PPP2R5C: variants seen among roughly 807,000 people sequenced by gnomAD.
PPP2R5C encodes protein phosphatase 2 regulatory subunit B'gamma.
Under a neutral mutation model 68.9 loss-of-function variants are expected in PPP2R5C, and 7 were observed. The observed-to-expected ratio is 0.10, with a 90% confidence interval of 0.06 to 0.19. PPP2R5C has a LOEUF of 0.19. Ranked by LOEUF, PPP2R5C falls within the 10% of genes least tolerant of loss-of-function variation. The pLI, the probability that PPP2R5C is intolerant of heterozygous loss-of-function variation, is 1.00. For missense variants in PPP2R5C, 348 were observed against 641.3 expected, an observed-to-expected ratio of 0.54 and a Z score of 4.94; for synonymous variants, 210 against 222.2, an observed-to-expected ratio of 0.95 and a Z score of 0.49.
intron 1 of PPP2R5C, among the ~76,000 whole-genome samples, chr14:101,813,440 TGACTTTCGGAA>T (rs2039483420): frequency 6.6e-6 from 1 of 152,264 alleles, no homozygotes; most frequent in East Asian, 1.9e-4. Flanking sequence ...GACTGTTCTT[TGACTTTCGGAA>T]TTGCCTGTTA....
At chr14:101,773,867 G>T (rs1350426824) in intron 2 of PPP2R5C, among the ~76,000 whole-genome samples, 2 of 152,184 alleles carry the variant, frequency 1.3e-5, no homozygotes, top group Non-Finnish European at 2.9e-5. Flanking sequence ...CTGATATTTG[G>T]ATTTTTTTGT....
chr14:101,771,502 G>A (rs1202423627), intron 2 of PPP2R5C, among the ~76,000 whole-genome samples: 23 of 152,106 alleles, frequency 1.5e-4, no homozygotes, highest in Admixed American at 1.2e-3. Flanking sequence ...AGGCCCAGGC[G>A]GGTGGATCAT....
intron 5 of PPP2R5C, among the ~76,000 whole-genome samples, chr14:101,889,587 G>A (rs916134901): frequency 4.4e-4 from 67 of 152,324 alleles, no homozygotes; most frequent in African/African-American, 1.5e-3. Context: ...GGTAGGGTGC[G>A]TGTCCTGGGG....
chr14:101,913,491 T>G lies in PPP2R5C; in HGVS notation c.1326+1018T>G, dbSNP rs888993102. ...CAGGAAAACGGAATGACATTTCTAATTGTGAGCCCTTGAGTCCACCTAAAA... is the reference window on the plus strand; with the variant it reads ...CAGGAAAACGGAATGACATTTCTAAGTGTGAGCCCTTGAGTCCACCTAAAA... On this transcript the variant is annotated intron_variant, in intron 12 of 13. Transcript: ENST00000334743. The surrounding 1 kb of genome is among the most constrained non-coding windows in gnomAD (Gnocchi z 4.1). Among the ~76,000 whole-genome samples the G allele has an allele frequency of 1.3e-5, 2 of 152,248 alleles. No homozygotes were observed. Among genetic ancestry groups the G allele is most frequent in the African/African-American group, 4.8e-5 (2 of 41,468 alleles).
exon 14 of PPP2R5C, chr14:101,925,278 G>T: frequency 6.2e-7 from 1 of 1,611,944 alleles, no homozygotes; most frequent in Non-Finnish European, 8.5e-7. Context: ...GCTAGCCTCC[G>T]GGGCGCCGCG....
intron 1 of PPP2R5C, among the ~76,000 whole-genome samples, chr14:101,842,860 C>T (rs1277081108): frequency 6.7e-6 from 1 of 149,548 alleles, no homozygotes; most frequent in East Asian, 2.0e-4. Context: ...ACTACTATGT[C>T]CTATCATACT....
chr14:101,862,189 T>C (rs1353608664), intron 2 of PPP2R5C, among the ~76,000 whole-genome samples: 1 of 152,216 alleles, frequency 6.6e-6, no homozygotes, highest in Non-Finnish European at 1.5e-5. Flanking sequence ...GTGCTGGGAT[T>C]ATAGGCATGA....
chr14:101,834,858 T>C (rs547944241), intron 1 of PPP2R5C, among the ~76,000 whole-genome samples: 3 of 152,176 alleles, frequency 2.0e-5, no homozygotes, highest in Non-Finnish European at 4.4e-5. Context: ...ATCTCAGAGA[T>C]TGACTTGGTA....
intron 1 of PPP2R5C, among the ~76,000 whole-genome samples, chr14:101,823,098 G>A (rs900962311): frequency 3.9e-5 from 6 of 152,118 alleles, no homozygotes; most frequent in African/African-American, 7.2e-5. Flanking sequence ...CCCCTAAAAC[G>A]ATTTTGAACA....
At chr14:101,834,398 G>A (rs2140360087) in intron 1 of PPP2R5C, among the ~76,000 whole-genome samples, 1 of 152,338 alleles carries the variant, frequency 6.6e-6, no homozygotes, top group South Asian at 2.1e-4. Flanking sequence ...TCAAAAAATG[G>A]AACTAAAGAT....
intron 2 of PPP2R5C, among the ~76,000 whole-genome samples, chr14:101,763,712 A>C (rs137880950): frequency 0.016 from 2,423 of 151,828 alleles, 31 homozygotes; most frequent in Non-Finnish European, 0.019. Flanking sequence ...CATTTCCCAC[A>C]CCTCAAACCC....
chr14:101,828,586 G>C (rs534902863), intron 1 of PPP2R5C, among the ~76,000 whole-genome samples: 10 of 151,518 alleles, frequency 6.6e-5, no homozygotes, highest in Admixed American at 2.6e-4. Flanking sequence ...TTCTAAGTAT[G>C]ATCATTAGAA....
At chr14:101,812,555 T>TA (rs1327704623) in intron 1 of PPP2R5C, among the ~76,000 whole-genome samples, 13 of 152,326 alleles carry the variant, frequency 8.5e-5, no homozygotes, top group African/African-American at 2.9e-4. Context: ...TGGATCTTTT[T>TA]AAAAAAATCA....
intron 2 of PPP2R5C, among the ~76,000 whole-genome samples, chr14:101,779,639 A>G (rs2037579258): frequency 6.6e-6 from 1 of 152,106 alleles, no homozygotes; most frequent in African/African-American, 2.4e-5. Context: ...TCCTGGAAAA[A>G]TAAGTGTGGG....
rs1168785395 is a variant in PPP2R5C, at chr14:101,822,085, C to G, written c.94+12049C>G. Among the ~76,000 whole-genome samples the G allele has an allele frequency of 5.8e-5, 8 of 137,418 alleles. No homozygotes were observed. The South Asian group carries it at 7.1e-4, about 12-fold the overall frequency. 90.2% of individuals were successfully genotyped at this position (137,418 alleles called of 152,430 possible). A position where few individuals can be genotyped will look rare whatever the true frequency, so the allele number is the denominator to read the frequency against. ...CCCACCACCACCACCCCCTGCCCCC[C>G]CCCCACACACACACATCCCTTGCTA... On this transcript the variant is annotated intron_variant, in intron 1 of 13. Coordinates refer to ENST00000334743, the Ensembl canonical transcript of PPP2R5C.
At chr14:101,845,904 G>A (rs1238303546) in intron 1 of PPP2R5C, among the ~76,000 whole-genome samples, 1 of 152,218 alleles carries the variant, frequency 6.6e-6, no homozygotes, top group East Asian at 1.9e-4. Flanking sequence ...ATGTAAACGA[G>A]TGTCAGTGTA....
chr14:101,838,221 G>A (rs567702587), intron 1 of PPP2R5C, among the ~76,000 whole-genome samples: 1 of 152,146 alleles, frequency 6.6e-6, no homozygotes, highest in Non-Finnish European at 1.5e-5. Context: ...GCGATGAAGC[G>A]GGGAGAGTAA....
Position 101,850,534 on chromosome 14 carries a change from C to A in PPP2R5C, c.95-6152C>A, listed in dbSNP as rs1380891312. Reference sequence around the variant, plus strand: ...ATGTTCATGAATTGGAAGACTCAATCCTGCCAAATTCTTAAGTTCTCCCCA... The same window carrying A: ...ATGTTCATGAATTGGAAGACTCAATACTGCCAAATTCTTAAGTTCTCCCCA... On this transcript the variant is annotated intron_variant, in intron 1 of 13. Transcript: ENST00000334743. 2.0e-5 allele frequency among the ~76,000 whole-genome samples: 3 copies of A among 152,172 alleles called. No homozygotes were observed. The East Asian group carries it at 5.8e-4, about 29-fold the overall frequency.
chr14:101,817,576 G>A (rs1181929017), intron 1 of PPP2R5C, among the ~76,000 whole-genome samples: 1 of 152,076 alleles, frequency 6.6e-6, no homozygotes, highest in Non-Finnish European at 1.5e-5. Context: ...AACTGCCTTT[G>A]AGCCACACTA....
Sources: gnomAD v4.1 joint callset for allele counts (sites outside exome capture counted in the v4.1 genomes callset) on GRCh38, gnomAD v4.1.1 for gene constraint, Gnocchi (gnomAD v3.1) non-coding constraint, MANE v1.5 for transcripts, NCBI Gene and HGNC (gene_info 2026-07-23, HGNC 2026-07-21) for gene names.